The following MRTFB variants were observed in gnomAD, a reference collection of about 807,000 sequenced individuals.
The protein encoded by MRTFB is myocardin related transcription factor B, also known as myocardin-related transcription factor B.
In MRTFB, 29 loss-of-function variants were observed where a neutral mutation model predicts 104.2. That is an observed-to-expected ratio of 0.28 (90% CI 0.21 to 0.38). The LOEUF (loss-of-function observed/expected upper bound fraction) is 0.38. Among genes scored for constraint, MRTFB ranks in the 10% least tolerant of loss-of-function variants. The pLI, the probability that MRTFB is intolerant of heterozygous loss-of-function variation, is 1.00. For missense variants in MRTFB, 1,270 were observed against 1,341.6 expected (o/e 0.95, Z 0.83); for synonymous variants, 535 against 519.5 (o/e 1.03, Z -0.41).
At chr16:14,224,110 G>A (rs1284482088) in intron 8 of MRTFB, among the ~76,000 whole-genome samples, 3 of 152,154 alleles carry the variant, frequency 2.0e-5, no homozygotes, top group South Asian at 4.2e-4. Context: ...AGCACAGGGA[G>A]AAATGCTACA....
intron 1 of MRTFB, among the ~76,000 whole-genome samples, chr16:14,076,865 T>C (rs965341488): frequency 1.3e-5 from 2 of 152,238 alleles, no homozygotes; most frequent in Non-Finnish European, 2.9e-5. Flanking sequence ...AGTTTTAATA[T>C]GCATTGCTTT....
intron 2 of MRTFB, among the ~76,000 whole-genome samples, chr16:14,110,926 G>T (rs1382270750): frequency 6.6e-6 from 1 of 152,046 alleles, no homozygotes; most frequent in African/African-American, 2.4e-5. Context: ...TCCATCATGA[G>T]CATTTTCTTG....
chr16:14,211,091 A>G (rs1442521027), intron 4 of MRTFB, among the ~76,000 whole-genome samples: 9 of 152,236 alleles, frequency 5.9e-5, no homozygotes, highest in African/African-American at 2.2e-4. Context: ...AGTCTTCTGA[A>G]TCATGGCTAT....
At chr16:14,202,564 A>G (rs1326737249) in intron 3 of MRTFB, among the ~76,000 whole-genome samples, 2 of 152,184 alleles carry the variant, frequency 1.3e-5, no homozygotes, top group Non-Finnish European at 1.5e-5. Context: ...TCTTTGTGGA[A>G]CTAAAATTTT....
chr16:14,079,982 T>G (rs890449900), intron 2 of MRTFB, among the ~76,000 whole-genome samples: 1 of 152,228 alleles, frequency 6.6e-6, no homozygotes, highest in Non-Finnish European at 1.5e-5. Context: ...TTTGTACATC[T>G]CTGCGGGAAT....
At chr16:14,096,254 G>GT (rs1361224517) in intron 2 of MRTFB, among the ~76,000 whole-genome samples, 2 of 151,990 alleles carry the variant, frequency 1.3e-5, no homozygotes, top group Non-Finnish European at 2.9e-5. Flanking sequence ...TGTATTTCTA[G>GT]TAGAGACAGG....
chr16:14,240,180 A>G, intron 9 of MRTFB, 57 bp from the exon 10 acceptor site: 4 of 1,525,312 alleles, frequency 2.6e-6, no homozygotes, highest in Non-Finnish European at 3.5e-6. Context: ...CACGCAGTAC[A>G]AAAGATTTTA....
At chr16:14,178,221 G>A (rs2039651571) in intron 3 of MRTFB, among the ~76,000 whole-genome samples, 2 of 152,180 alleles carry the variant, frequency 1.3e-5, no homozygotes, top group Admixed American at 1.3e-4. Flanking sequence ...ATGGAAGGAT[G>A]GGAGTGGGAA....
chr16:14,003,970 C>T, the MRTFB span, among the ~76,000 whole-genome samples: 1 of 152,140 alleles, frequency 6.6e-6, no homozygotes, highest in South Asian at 2.1e-4. Flanking sequence ...ATCTGTGGGC[C>T]TCCAGTCTGT....
intron 3 of MRTFB, among the ~76,000 whole-genome samples, chr16:14,156,785 A>G (rs953421573): frequency 6.6e-6 from 1 of 152,208 alleles, no homozygotes; most frequent in Non-Finnish European, 1.5e-5. Context: ...CAACTTGGCA[A>G]AAGATTCAGC....
the MRTFB span, among the ~76,000 whole-genome samples, chr16:14,041,303 T>C: frequency 6.6e-6 from 1 of 152,248 alleles, no homozygotes; most frequent in South Asian, 2.1e-4. Flanking sequence ...CTTTTTCATC[T>C]TGCAAAACTG....
rs2043036036 is a variant in MRTFB at position 14,246,814 on chromosome 16, T to C, written c.1554T>C (p.Asp518=). ...CCGAACAGTCCAGTCTCAGTACTGA[T>C]GACACAAACATGGCAGACACTTTCA... ...SPSEQSSLST[D]DTNMADTFTE... The change falls in exon 12 of 17, where the codon GAT becomes GAC. Residue 518 remains aspartate, a synonymous_variant. Transcript: ENST00000571589. The C allele has an allele frequency of 6.2e-7, 1 of 1,613,164 alleles. No individual in the cohort carries two copies. The highest frequency in any genetic ancestry group is 8.5e-7 in the Non-Finnish European group (1 of 1,180,038).
At chr16:14,215,100 G>A (rs2041359493) in intron 6 of MRTFB, among the ~76,000 whole-genome samples, 1 of 152,176 alleles carries the variant, frequency 6.6e-6, no homozygotes, top group Non-Finnish European at 1.5e-5. Flanking sequence ...TAGTAACAAT[G>A]CTATCTGTTT....
intron 8 of MRTFB, 131 bp from the exon 9 acceptor site, chr16:14,234,015 A>G (rs1369708589): frequency 8.3e-5 from 92 of 1,102,086 alleles, no homozygotes; most frequent in Non-Finnish European, 1.1e-4. Context: ...GGCCTCAGAC[A>G]TAATCATATA....
Position 14,261,239 on chromosome 16 carries a change from C to G in MRTFB, c.3095C>G (p.Pro1032Arg). 6.2e-7 allele frequency: 1 copy of G among 1,614,174 alleles called. No homozygotes were observed. Among genetic ancestry groups the G allele is most frequent in the Non-Finnish European group, 8.5e-7 (1 of 1,180,030 alleles). The change falls in exon 17 of 17, where the codon CCC becomes CGC. Residue 1032 changes from proline (P) to arginine (R), a missense_variant. Pro to Arg is a moderately radical substitution (Grantham distance 103). This residue lies in a region of MRTFB where 1,144 missense variants were observed against 1,131.5 expected (regional missense o/e 1.01). Transcript: ENST00000571589. ...GGTATGCTGGACCATTCACACTCAC[C>G]CATGGAGACTTCCGAGACCCAGTTT... ...HSGMLDHSHS[P>R]METSETQFAA...
chr16:14,227,429 C>A (rs927417751), intron 8 of MRTFB, among the ~76,000 whole-genome samples: 1 of 152,210 alleles, frequency 6.6e-6, no homozygotes, highest in African/African-American at 2.4e-5. Flanking sequence ...GCCAGATGCA[C>A]ATGCTGGTGC....
At chr16:14,092,234 C>T (rs1426062454) in intron 2 of MRTFB, among the ~76,000 whole-genome samples, 6 of 152,090 alleles carry the variant, frequency 3.9e-5, no homozygotes, top group Admixed American at 3.9e-4. Context: ...AGGACAGGGA[C>T]TATTTTTTTT....
At chr16:14,061,876 T>C in the MRTFB span, among the ~76,000 whole-genome samples, 949 of 152,256 alleles carry the variant, frequency 6.2e-3, 15 homozygotes, top group African/African-American at 0.021. Context: ...GTTCCTGACA[T>C]AGCCAGGGAA....
the MRTFB span, among the ~76,000 whole-genome samples, chr16:14,036,609 A>G: frequency 6.6e-6 from 1 of 151,016 alleles, no homozygotes; most frequent in Non-Finnish European, 1.5e-5. Context: ...ATTCCATCAT[A>G]TATATGTTGA....
Sources: gnomAD v4.1 joint callset for allele counts (sites outside exome capture counted in the v4.1 genomes callset) on GRCh38, gnomAD v4.1.1 for gene constraint, gnomAD v4.1.1 regional missense constraint, MANE v1.5 for transcripts, NCBI Gene and HGNC (gene_info 2026-07-23, HGNC 2026-07-21) for gene names.